GRAMD1C: variants seen among roughly 807,000 people sequenced by gnomAD.
GRAMD1C encodes GRAM domain containing 1C.
A neutral mutation model predicts 97.8 loss-of-function variants in GRAMD1C; 89 were observed. The ratio of observed to expected loss-of-function variants is 0.91; its 90% CI spans 0.77 to 1.09. GRAMD1C has a LOEUF of 1.09. Among genes scored for constraint, GRAMD1C ranks in the 50% least tolerant of loss-of-function variants. The probability of loss-of-function intolerance (pLI) is 0.00; values close to 1 mark genes in which losing one functional copy is unlikely to be tolerated. For synonymous variants in GRAMD1C, 256 were observed against 267.0 expected, an observed-to-expected ratio of 0.96 and a Z score of 0.40; for missense variants, 740 against 766.4, an observed-to-expected ratio of 0.97 and a Z score of 0.41.
At chr3:113,838,084 G>T (rs11918148), upstream of GRAMD1C, among the ~76,000 whole-genome samples, 986 of 152,222 alleles carry the variant, frequency 6.5e-3, 12 homozygotes, top group African/African-American at 0.023. Context: ...TGTTAATGAG[G>T]CATGTCCAAT....
chr3:113,843,152 A>G (rs1377721011), intron 1 of GRAMD1C, among the ~76,000 whole-genome samples: 5 of 141,160 alleles, frequency 3.5e-5, no homozygotes, highest in Non-Finnish European at 6.0e-5. Context: ...ATGGCTTACT[A>G]CAGTCTTGAC....
chr3:113,938,181 A>G, intron 15 of GRAMD1C, 38 bp downstream of exon 15: 1 of 993,064 alleles, frequency 1.0e-6, no homozygotes, highest in Non-Finnish European at 1.5e-6. Context: ...TGCTTGTTTC[A>G]GCATTTATCT....
intron 8 of GRAMD1C, among the ~76,000 whole-genome samples, chr3:113,908,543 G>C (rs1241107244): frequency 6.6e-6 from 1 of 152,100 alleles, no homozygotes; most frequent in Non-Finnish European, 1.5e-5. Context: ...CTTGAGAGAT[G>C]GGTGAGTTTT....
chr3:113,925,937 A>G (rs1937217034), intron 10 of GRAMD1C, among the ~76,000 whole-genome samples: 1 of 152,198 alleles, frequency 6.6e-6, no homozygotes, highest in African/African-American at 2.4e-5. Flanking sequence ...GCCTGATAGG[A>G]TTCCCTTTGT....
rs1264252070 is a variant in GRAMD1C at position 113,922,915 on chromosome 3, G to A, written c.1090+7077G>A. On this transcript the variant is annotated intron_variant, in intron 10 of 17. Transcript: ENST00000358160. ...ATTCTTCCTATCACGAGCATGGAAT[G>A]TTTTTCCATTTGTGTCATCTCTGAT... is the stretch of plus-strand genomic sequence containing the variant. Among the ~76,000 whole-genome samples, 5 of 151,968 alleles carry A rather than the reference G, an allele frequency of 3.3e-5. No individual in the cohort carries two copies. In the East Asian group the frequency reaches 9.7e-4, roughly 29 times the overall value.
intron 2 of GRAMD1C, among the ~76,000 whole-genome samples, chr3:113,867,512 G>T (rs1934630587): frequency 1.3e-5 from 2 of 152,030 alleles, no homozygotes; most frequent in Non-Finnish European, 2.9e-5. Context: ...GGCCAGTCTT[G>T]AACTATTGAC....
chr3:113,942,629 A>G lies in GRAMD1C; in HGVS notation c.1908+2284A>G, dbSNP rs114416657. On this transcript the variant is annotated intron_variant, in intron 17 of 17. Coordinates refer to ENST00000358160, the MANE Select transcript of GRAMD1C (RefSeq NM_017577.5). ...AAGGAAAGGCAGAAAGGATGGTCCCAGGATTCAGTACATACATTTTCCTGT... is the reference window on the plus strand; with the variant it reads ...AAGGAAAGGCAGAAAGGATGGTCCCGGGATTCAGTACATACATTTTCCTGT... Among the ~76,000 whole-genome samples the G allele has an allele frequency of 9.5e-3, 1,443 of 152,336 alleles. 21 individuals carry two copies. The highest frequency in any genetic ancestry group is 0.032 in the African/African-American group (1,346 of 41,568).
At chr3:113,895,145 C>T (rs1407911510) in intron 6 of GRAMD1C, among the ~76,000 whole-genome samples, 1 of 152,136 alleles carries the variant, frequency 6.6e-6, no homozygotes, top group Non-Finnish European at 1.5e-5. Context: ...CATCATGCCC[C>T]ACCAAGGTCA....
chr3:113,889,090 C>T (rs570137751), intron 6 of GRAMD1C, among the ~76,000 whole-genome samples: 1 of 152,210 alleles, frequency 6.6e-6, no homozygotes, highest in South Asian at 2.1e-4. Flanking sequence ...ATCCCAGCTA[C>T]TCGGGAGGCT....
At position 113,901,037 on chromosome 3, in the gene GRAMD1C, A is replaced by C; in HGVS notation, c.547A>C (p.Thr183Pro). 5 of 1,546,974 alleles carry C rather than the reference A, an allele frequency of 3.2e-6. No homozygotes were observed. Among genetic ancestry groups the C allele is most frequent in the Non-Finnish European group, 3.6e-6 (4 of 1,119,116 alleles). Residue 183 changes from threonine (T) to proline (P), a missense_variant, in exon 7 of 18, where the codon ACT (threonine) becomes CCT (proline). By Grantham distance (38) the Thr-to-Pro change is conservative. Coordinates refer to ENST00000358160, the MANE Select transcript of GRAMD1C (RefSeq NM_017577.5). Reference protein sequence around the residue: ...WQNVLLDKSLTRQEFWQLLQQ... With the variant: ...WQNVLLDKSLPRQEFWQLLQQ... ...AATTTTTCTGTCACTTTAGAGCCTGACTAGACAGGAATTCTGGCAACTGCT... is the reference window on the plus strand; with the variant it reads ...AATTTTTCTGTCACTTTAGAGCCTGCCTAGACAGGAATTCTGGCAACTGCT...
chr3:113,854,330 A>G (rs1934034030), intron 2 of GRAMD1C, among the ~76,000 whole-genome samples: 1 of 152,140 alleles, frequency 6.6e-6, no homozygotes. Flanking sequence ...TAGGGAGAAA[A>G]TATGGATAGA....
intron 6 of GRAMD1C, among the ~76,000 whole-genome samples, chr3:113,890,240 T>C (rs374223430): frequency 1.4e-3 from 213 of 152,166 alleles, no homozygotes; most frequent in African/African-American, 4.9e-3. Flanking sequence ...CTCTGACCCA[T>C]GGTAAGGGAG....
intron 3 of GRAMD1C, among the ~76,000 whole-genome samples, chr3:113,870,585 G>A (rs1934764151): frequency 6.6e-6 from 1 of 152,002 alleles, no homozygotes. Context: ...GAGTGGAATT[G>A]GGATGTTTCT....
rs1339115420 is a variant in GRAMD1C, at chr3:113,919,178, G to A, written c.1090+3340G>A. 9.7e-6 allele frequency: 3 copies of A among 309,338 alleles called. 1 individual carries two copies. Among genetic ancestry groups the A allele is most frequent in the Non-Finnish European group, 1.9e-5 (3 of 159,824 alleles). The allele number at this position is 309,338 out of a possible 1,614,324, so 19.2% of individuals were successfully genotyped here. ...GAGCTGGGGCTGACAGTTCTCCTGA[G>A]TGAAAAGGAGTAAAGTAGCGGGGAT... is the stretch of plus-strand genomic sequence containing the variant. On this transcript the variant is annotated intron_variant, in intron 10 of 17. Transcript: ENST00000358160.
At chr3:113,911,072 A>G (rs903936723) in intron 9 of GRAMD1C, among the ~76,000 whole-genome samples, 6 of 151,884 alleles carry the variant, frequency 4.0e-5, no homozygotes, top group Non-Finnish European at 8.8e-5. Context: ...CTGGCTTGCC[A>G]CTTTCTCACT....
At chr3:113,909,826 A>G (rs994752308) in intron 9 of GRAMD1C, among the ~76,000 whole-genome samples, 4 of 152,200 alleles carry the variant, frequency 2.6e-5, no homozygotes, top group African/African-American at 7.2e-5. Flanking sequence ...GTACTCATCA[A>G]TGTTACTCAG....
At chr3:113,849,298 T>A (rs1346425901) in intron 2 of GRAMD1C, among the ~76,000 whole-genome samples, 5 of 149,902 alleles carry the variant, frequency 3.3e-5, no homozygotes, top group Admixed American at 2.7e-4. Context: ...TTTATTTATT[T>A]ATTTATTTAT....
intron 2 of GRAMD1C, among the ~76,000 whole-genome samples, chr3:113,849,704 A>G (rs1368364637): frequency 2.0e-5 from 3 of 152,346 alleles, no homozygotes; most frequent in African/African-American, 7.2e-5. Context: ...TTCTACACAG[A>G]CAGGGCAACC....
chr3:113,851,374 A>T (rs943022340), intron 2 of GRAMD1C, among the ~76,000 whole-genome samples: 3 of 152,158 alleles, frequency 2.0e-5, no homozygotes, highest in African/African-American at 7.2e-5. Context: ...TTGATTTTTT[A>T]AAATTTTTTT....
Sources: allele counts gnomAD v4.1 joint callset (sites outside exome capture counted in the v4.1 genomes callset), GRCh38; gene constraint gnomAD v4.1.1; transcripts MANE v1.5; gene names NCBI Gene and HGNC (gene_info 2026-07-23, HGNC 2026-07-21).